The following UXS1 variants were observed in gnomAD, a reference collection of about 807,000 sequenced individuals.
UXS1 encodes the protein UDP-glucuronic acid decarboxylase 1.
In UXS1, 33 loss-of-function variants were observed where a neutral mutation model predicts 62.6. The ratio of observed to expected loss-of-function variants is 0.53; its 90% confidence interval spans 0.40 to 0.70. UXS1 has a LOEUF of 0.70. Among genes scored for constraint, UXS1 ranks in the 30% least tolerant of loss-of-function variants. The pLI is 0.00. For missense variants in UXS1, 434 were observed against 556.3 expected, an observed-to-expected ratio of 0.78 and a Z score of 2.21; for synonymous variants, 213 against 206.8, an observed-to-expected ratio of 1.03 and a Z score of -0.26.
At chr2:106,173,289 T>G (rs1683676910) in intron 1 of UXS1, among the ~76,000 whole-genome samples, 1 of 152,196 alleles carries the variant, frequency 6.6e-6, no homozygotes, top group Non-Finnish European at 1.5e-5. Flanking sequence ...AGGCTGGGTG[T>G]GGTGGCTGAT....
At chr2:106,180,925 T>G (rs891605592) in intron 1 of UXS1, among the ~76,000 whole-genome samples, 1 of 152,240 alleles carries the variant, frequency 6.6e-6, no homozygotes. Context: ...TTTTTCTACT[T>G]AAAGAGATGT....
chr2:106,102,344 T>G (rs1677663170), intron 11 of UXS1: 1 of 152,124 alleles, frequency 6.6e-6, no homozygotes, highest in African/African-American at 2.4e-5. Flanking sequence ...ACAATATGAT[T>G]TAATATTGAA....
chr2:106,163,820 C>T, intron 3 of UXS1, 110 bp from the exon 4 acceptor site: 1 of 563,542 alleles, frequency 1.8e-6, no homozygotes, highest in Non-Finnish European at 2.9e-6. Flanking sequence ...ATTTCTTCTA[C>T]AAATTAACTT....
intron 1 of UXS1, among the ~76,000 whole-genome samples, chr2:106,174,398 TGCAGAGG>T (rs1317917181): frequency 1.3e-5 from 2 of 152,130 alleles, no homozygotes; most frequent in South Asian, 2.1e-4. Context: ...GAGTAAATAA[TGCAGAGG>T]GCAGAGCCCA....
At chr2:106,154,726 A>G (rs981114758) in intron 5 of UXS1, among the ~76,000 whole-genome samples, 1 of 152,238 alleles carries the variant, frequency 6.6e-6, no homozygotes, top group Non-Finnish European at 1.5e-5. Flanking sequence ...GGAAATTCAT[A>G]TGGCAGAAAA....
At chr2:106,107,358 C>T (rs1678171466) in intron 10 of UXS1, among the ~76,000 whole-genome samples, 1 of 152,230 alleles carries the variant, frequency 6.6e-6, no homozygotes, top group Non-Finnish European at 1.5e-5. Flanking sequence ...ATCTAAAGCC[C>T]AGGCTCACTC....
At chr2:106,166,200 C>T (rs1486066176) in intron 1 of UXS1, 117 bp from the exon 2 acceptor site, 2 of 987,504 alleles carry the variant, frequency 2.0e-6, no homozygotes, top group East Asian at 2.7e-5. Flanking sequence ...AATTAACTTA[C>T]GAAGACAACA....
At chr2:106,103,510 C>T (rs1436246302) in intron 11 of UXS1, among the ~76,000 whole-genome samples, 1 of 152,204 alleles carries the variant, frequency 6.6e-6, no homozygotes, top group Non-Finnish European at 1.5e-5. Flanking sequence ...GGGAGGCCCA[C>T]AATTTGGTCC....
chr2:106,136,819 A>G (rs1680673141), intron 6 of UXS1, among the ~76,000 whole-genome samples: 1 of 100,812 alleles, frequency 9.9e-6, no homozygotes. Flanking sequence ...GCTAGATGAC[A>G]CGTTAGTGGG....
chr2:106,134,310 AGCTGAATTCTACCAGAGGTACAAGGAG>A (rs1164636994), intron 6 of UXS1, among the ~76,000 whole-genome samples: 3 of 94,326 alleles, frequency 3.2e-5, no homozygotes, highest in African/African-American at 1.3e-4. Context: ...ATGGATTCAC[AGCTGAATTCTACCAGAGGTACAAGGAG>A]GAACTGGTAC....
intron 12 of UXS1, 68 bp from the exon 13 acceptor site, chr2:106,098,841 G>A: frequency 1.4e-6 from 2 of 1,444,602 alleles, no homozygotes; most frequent in South Asian, 1.2e-5. Context: ...CCAGACCACA[G>A]GCGTGTCTGC....
At chr2:106,140,049 A>G (rs1264634115) in intron 6 of UXS1, among the ~76,000 whole-genome samples, 1 of 152,232 alleles carries the variant, frequency 6.6e-6, no homozygotes, top group Non-Finnish European at 1.5e-5. Flanking sequence ...AGGAATGAAG[A>G]AGATACAGAA....
intron 1 of UXS1, among the ~76,000 whole-genome samples, chr2:106,184,726 ATCACT>A (rs1194657282): frequency 6.6e-6 from 1 of 152,202 alleles, no homozygotes; most frequent in East Asian, 1.9e-4. Flanking sequence ...TCTTAATGCC[ATCACT>A]TCAAGGATTA....
intron 8 of UXS1, 73 bp downstream of exon 8, chr2:106,125,547 G>A: frequency 7.2e-7 from 1 of 1,396,572 alleles, no homozygotes; most frequent in Non-Finnish European, 9.5e-7. Flanking sequence ...AAAGAACACT[G>A]GACTCTTCTG....
At chr2:106,185,547 G>T (rs1684502890) in intron 1 of UXS1, among the ~76,000 whole-genome samples, 2 of 152,210 alleles carry the variant, frequency 1.3e-5, no homozygotes, top group Non-Finnish European at 2.9e-5. Context: ...AGACATTAAG[G>T]AAGTGCTCAA....
chr2:106,119,608 C>G (rs1196952313), intron 9 of UXS1, among the ~76,000 whole-genome samples: 1 of 152,188 alleles, frequency 6.6e-6, no homozygotes, highest in Non-Finnish European at 1.5e-5. Context: ...TCCAGAAAGG[C>G]ACAACATCCT....
At chr2:106,170,694 AC>A (rs1342722643) in intron 1 of UXS1, among the ~76,000 whole-genome samples, 2 of 152,140 alleles carry the variant, frequency 1.3e-5, no homozygotes, top group African/African-American at 4.8e-5. Flanking sequence ...AGCAGGACAA[AC>A]CCCCACGTTG....
Position 106,129,772 on chromosome 2 carries a change from T to TG in UXS1, c.478dup (p.Gln160ProfsTer17). ...GGCTGGAGATGCCAGATGGTATATC[T>TG]GGTCAACTAAAGGAGACAAAACAGA... On this transcript the variant is annotated frameshift_variant, in exon 7 of 15. Transcript: ENST00000283148. LOFTEE classifies it high-confidence loss of function. 1 of 1,603,814 alleles carries TG rather than the reference T, an allele frequency of 6.2e-7. No individual in the cohort carries two copies. Among genetic ancestry groups the TG allele is most frequent in the Non-Finnish European group, 8.5e-7 (1 of 1,174,310 alleles).
At chr2:106,192,283 G>T (rs985307295) in intron 1 of UXS1, among the ~76,000 whole-genome samples, 1 of 152,184 alleles carries the variant, frequency 6.6e-6, no homozygotes. Flanking sequence ...TGCTGGGAGC[G>T]GTGGCTTACG....
Sources: allele counts gnomAD v4.1 joint callset (sites outside exome capture counted in the v4.1 genomes callset), GRCh38; gene constraint gnomAD v4.1.1; transcripts MANE v1.5; gene names NCBI Gene and HGNC (gene_info 2026-07-23, HGNC 2026-07-21).